The following CENPW variants were observed in gnomAD, a reference collection of about 807,000 sequenced individuals.
CENPW encodes cancer-up-regulated gene 2 protein.
A neutral mutation model predicts 11.1 loss-of-function variants in CENPW; 3 were observed. The ratio of observed to expected loss-of-function variants is 0.27; its 90% CI spans 0.12 to 0.70. CENPW has a LOEUF of 0.70. Among genes scored for constraint, CENPW ranks in the 30% least tolerant of loss-of-function variants. CENPW has a pLI of 0.77. For missense variants in CENPW, 100 were observed against 105.6 expected (o/e 0.95, Z 0.23); for synonymous variants, 38 against 42.0 (o/e 0.91, Z 0.37).
At chr6:126,365,927 G>A in the CENPW span, among the ~76,000 whole-genome samples, 4 of 152,290 alleles carry the variant, frequency 2.6e-5, 1 homozygote, top group South Asian at 8.3e-4. Flanking sequence ...TTCTGATTAA[G>A]CAGTTTGTTC....
chr6:126,457,793 C>A, the CENPW span, among the ~76,000 whole-genome samples: 2 of 151,418 alleles, frequency 1.3e-5, 1 homozygote, highest in South Asian at 4.2e-4. Context: ...GGTAGGAACA[C>A]AACACTCTGA....
chr6:126,391,463 C>G, the CENPW span, among the ~76,000 whole-genome samples: 47 of 151,956 alleles, frequency 3.1e-4, no homozygotes, highest in African/African-American at 1.0e-3. Flanking sequence ...TGTGCAGAAG[C>G]TTTTTAACTC....
chr6:126,416,435 T>C, the CENPW span, among the ~76,000 whole-genome samples: 1 of 152,150 alleles, frequency 6.6e-6, no homozygotes, highest in Non-Finnish European at 1.5e-5. Context: ...CGCAGAAATT[T>C]GCGTAATTAA....
At chr6:126,446,683 T>C in the CENPW span, among the ~76,000 whole-genome samples, 1 of 151,144 alleles carries the variant, frequency 6.6e-6, no homozygotes. Context: ...TTCTGGGTTA[T>C]AAAGTAGAGG....
At chr6:126,359,255 A>G in the CENPW span, among the ~76,000 whole-genome samples, 1 of 151,508 alleles carries the variant, frequency 6.6e-6, no homozygotes, top group Non-Finnish European at 1.5e-5. Context: ...ATTGATGTCT[A>G]TTTTTATTGC....
downstream of CENPW, among the ~76,000 whole-genome samples, chr6:126,349,752 A>G (rs1273923788): frequency 6.6e-6 from 1 of 152,196 alleles, no homozygotes; most frequent in Non-Finnish European, 1.5e-5. Flanking sequence ...ATTACAAATA[A>G]AATCGCTGTG....
the CENPW span, among the ~76,000 whole-genome samples, chr6:126,406,550 G>A: frequency 2.6e-5 from 4 of 152,030 alleles, no homozygotes; most frequent in Non-Finnish European, 1.5e-5. Context: ...ATTGGTGTTA[G>A]TTCTCTTTTA....
downstream of CENPW, among the ~76,000 whole-genome samples, chr6:126,349,122 A>C (rs1025597659): frequency 1.3e-5 from 2 of 152,094 alleles, no homozygotes; most frequent in African/African-American, 4.8e-5. Context: ...CCCCTAAATA[A>C]GATAATTTAG....
the CENPW span, among the ~76,000 whole-genome samples, chr6:126,390,243 T>A: frequency 6.6e-6 from 1 of 151,960 alleles, no homozygotes; most frequent in Non-Finnish European, 1.5e-5. Context: ...GCTTGCTAAC[T>A]GGTCTCCCCA....
At chr6:126,395,359 C>G in the CENPW span, among the ~76,000 whole-genome samples, 3 of 152,026 alleles carry the variant, frequency 2.0e-5, no homozygotes, top group East Asian at 1.9e-4. Flanking sequence ...TTGCATTTTT[C>G]AGTTCCAGAA....
the CENPW span, among the ~76,000 whole-genome samples, chr6:126,438,363 AAAGT>A: frequency 1.3e-5 from 2 of 151,774 alleles, no homozygotes; most frequent in Non-Finnish European, 1.5e-5. Context: ...AAAACTAAAT[AAAGT>A]AAGGGCTCCT....
At chr6:126,461,633 A>G in the CENPW span, among the ~76,000 whole-genome samples, 4 of 151,910 alleles carry the variant, frequency 2.6e-5, no homozygotes, top group Admixed American at 6.6e-5. Context: ...TATGAGAAAT[A>G]AATGTACATA....
the CENPW span, among the ~76,000 whole-genome samples, chr6:126,386,744 G>C: frequency 6.6e-6 from 1 of 151,846 alleles, no homozygotes; most frequent in African/African-American, 2.4e-5. Flanking sequence ...CTTCTTCCAG[G>C]TAGGCACTAG....
intron 2 of CENPW, among the ~76,000 whole-genome samples, chr6:126,346,936 G>A (rs552920875): frequency 3.1e-4 from 47 of 152,052 alleles, no homozygotes; most frequent in African/African-American, 1.1e-3. Flanking sequence ...CAACAAGTGC[G>A]AAACTCCGTC....
the CENPW span, among the ~76,000 whole-genome samples, chr6:126,381,091 T>G: frequency 6.6e-6 from 1 of 152,228 alleles, no homozygotes; most frequent in Non-Finnish European, 1.5e-5. Context: ...TGGCCTGTCT[T>G]CAGCAAGAAT....
chr6:126,353,478 A>G (rs1214990246), downstream of CENPW, among the ~76,000 whole-genome samples: 1 of 151,990 alleles, frequency 6.6e-6, no homozygotes, highest in Non-Finnish European at 1.5e-5. Context: ...TCTTTTTTAA[A>G]AAAATCTGTT....
chr6:126,393,920 T>C, the CENPW span, among the ~76,000 whole-genome samples: 1 of 151,846 alleles, frequency 6.6e-6, no homozygotes, highest in East Asian at 1.9e-4. Flanking sequence ...CATCTTGAAA[T>C]CCATTTTGTC....
At chr6:126,422,906 A>G in the CENPW span, among the ~76,000 whole-genome samples, 1 of 152,126 alleles carries the variant, frequency 6.6e-6, no homozygotes, top group African/African-American at 2.4e-5. Context: ...GGGCCTTCTG[A>G]AGTAATAAAG....
chr6:126,371,271 G>T, the CENPW span, among the ~76,000 whole-genome samples: 10 of 152,100 alleles, frequency 6.6e-5, no homozygotes, highest in African/African-American at 2.4e-4. Flanking sequence ...CTTCTATGGT[G>T]ATTTTACTGA....
Sources: gnomAD v4.1 joint callset for allele counts (sites outside exome capture counted in the v4.1 genomes callset) on GRCh38, gnomAD v4.1.1 for gene constraint, MANE v1.5 for transcripts, NCBI Gene and HGNC (gene_info 2026-07-23, HGNC 2026-07-21) for gene names.